The following PRR16 variants were observed in gnomAD, a reference collection of about 807,000 sequenced individuals.
The protein encoded by PRR16 is protein Largen.
A neutral mutation model predicts 18.2 loss-of-function variants in PRR16; 6 were observed. The observed-to-expected ratio is 0.33, with a 90% CI of 0.18 to 0.65. PRR16 has a LOEUF of 0.65. Among genes scored for constraint, PRR16 ranks in the 30% least tolerant of loss-of-function variants. The pLI is 0.74. For missense variants in PRR16, 412 were observed against 376.6 expected (o/e 1.09, Z -0.78); for synonymous variants, 151 against 147.8 (o/e 1.02, Z -0.16).
chr5:120,581,626 G>C (rs766341415), intron 1 of PRR16, among the ~76,000 whole-genome samples: 10 of 152,010 alleles, frequency 6.6e-5, no homozygotes, highest in Non-Finnish European at 1.2e-4. Context: ...GTCGATTTGA[G>C]ATCTTTCTAG....
intron 1 of PRR16, among the ~76,000 whole-genome samples, chr5:120,685,236 C>T (rs1344535758): frequency 6.6e-6 from 1 of 152,310 alleles, no homozygotes; most frequent in Non-Finnish European, 1.5e-5. Context: ...CCATCTCTTT[C>T]CTCCTCTCAG....
At chr5:120,528,562 T>C (rs565052498) in intron 1 of PRR16, among the ~76,000 whole-genome samples, 1 of 152,212 alleles carries the variant, frequency 6.6e-6, no homozygotes, top group African/African-American at 2.4e-5. Context: ...AATTATGAAT[T>C]TGAGCTCAGT....
At chr5:120,673,555 C>G (rs1410057965) in intron 1 of PRR16, among the ~76,000 whole-genome samples, 1 of 152,076 alleles carries the variant, frequency 6.6e-6, no homozygotes, top group African/African-American at 2.4e-5. Context: ...CATTTTTATA[C>G]AAATCTTATC....
chr5:120,470,745 G>A (rs970675503), intron 1 of PRR16, among the ~76,000 whole-genome samples: 4 of 152,070 alleles, frequency 2.6e-5, no homozygotes, highest in Non-Finnish European at 4.4e-5. Flanking sequence ...GGTAGATGAG[G>A]AAGTTACTGA....
At chr5:120,690,668 G>C (rs562396254), downstream of PRR16, among the ~76,000 whole-genome samples, 3 of 152,282 alleles carry the variant, frequency 2.0e-5, no homozygotes, top group African/African-American at 7.2e-5. Context: ...AAGTTTAAAT[G>C]TTTACAGTAA....
At chr5:120,657,831 C>G (rs1756036135) in intron 1 of PRR16, among the ~76,000 whole-genome samples, 1 of 151,904 alleles carries the variant, frequency 6.6e-6, no homozygotes, top group African/African-American at 2.4e-5. Context: ...CCACCTTCTG[C>G]TTTTTGTTCA....
chr5:120,644,061 C>T (rs776366747), intron 1 of PRR16, among the ~76,000 whole-genome samples: 6 of 151,912 alleles, frequency 3.9e-5, no homozygotes, highest in African/African-American at 7.3e-5. Flanking sequence ...CGTAGAACTC[C>T]CTGGATAGAG....
the PRR16 span, among the ~76,000 whole-genome samples, chr5:120,756,488 C>T: frequency 1.4e-4 from 21 of 152,028 alleles, no homozygotes; most frequent in Admixed American, 1.2e-3. Context: ...AATAGCCATT[C>T]TGACTGGTAT....
At chr5:120,605,432 T>C (rs6881962) in intron 1 of PRR16, among the ~76,000 whole-genome samples, 103,436 of 151,986 alleles carry the variant, frequency 0.68, 36,106 homozygotes, top group East Asian at 0.86. Flanking sequence ...TGAATTGTTT[T>C]ACTGATTTCC....
intron 1 of PRR16, among the ~76,000 whole-genome samples, chr5:120,643,063 A>T (rs1755474400): frequency 6.6e-6 from 1 of 152,230 alleles, no homozygotes; most frequent in African/African-American, 2.4e-5. Context: ...CCTTTCAAAG[A>T]TAAATATACT....
intron 1 of PRR16, among the ~76,000 whole-genome samples, chr5:120,607,630 T>G (rs1561571301): frequency 6.6e-6 from 1 of 152,108 alleles, no homozygotes; most frequent in Non-Finnish European, 1.5e-5. Context: ...TACCATCTGC[T>G]TCACAAGGAT....
intron 1 of PRR16, among the ~76,000 whole-genome samples, chr5:120,659,737 A>G (rs559830533): frequency 6.6e-6 from 1 of 151,956 alleles, no homozygotes; most frequent in East Asian, 1.9e-4. Context: ...TTGTATTTAT[A>G]CTTGAACGGC....
downstream of PRR16, among the ~76,000 whole-genome samples, chr5:120,689,008 T>G (rs1757179444): frequency 6.6e-6 from 1 of 152,132 alleles, no homozygotes; most frequent in African/African-American, 2.4e-5. Context: ...TTGTTTTTAT[T>G]CAACACATAA....
At chr5:120,655,329 G>T (rs912360167) in intron 1 of PRR16, among the ~76,000 whole-genome samples, 1 of 148,718 alleles carries the variant, frequency 6.7e-6, no homozygotes, top group African/African-American at 2.5e-5. Context: ...TATAATGTTA[G>T]CAAGAATTTT....
At chr5:120,727,924 A>C in the PRR16 span, among the ~76,000 whole-genome samples, 1 of 152,050 alleles carries the variant, frequency 6.6e-6, no homozygotes, top group Admixed American at 6.6e-5. Flanking sequence ...AAATGTGTTA[A>C]TAATAGAAGA....
At chr5:120,628,547 A>C (rs1754942622) in intron 1 of PRR16, among the ~76,000 whole-genome samples, 1 of 152,092 alleles carries the variant, frequency 6.6e-6, no homozygotes, top group African/African-American at 2.4e-5. Flanking sequence ...AAAAGGATAA[A>C]AAAATTGTAG....
At chr5:120,700,845 T>C in the PRR16 span, among the ~76,000 whole-genome samples, 35 of 152,218 alleles carry the variant, frequency 2.3e-4, no homozygotes, top group African/African-American at 7.2e-4. Flanking sequence ...GATCGGGCAG[T>C]GTCAGTCTTC....
the PRR16 span, among the ~76,000 whole-genome samples, chr5:120,723,063 TTAA>T: frequency 4.0e-5 from 6 of 151,890 alleles, no homozygotes; most frequent in East Asian, 1.2e-3. Context: ...TGGATACAAT[TTAA>T]TAATCTATAT....
chr5:120,583,961 C>T (rs180887006), intron 1 of PRR16, among the ~76,000 whole-genome samples: 278 of 152,226 alleles, frequency 1.8e-3, no homozygotes, highest in Non-Finnish European at 3.1e-3. Context: ...ATGGGTCAAG[C>T]ACTGTGTGCT....
Sources: gnomAD v4.1 joint callset for allele counts (sites outside exome capture counted in the v4.1 genomes callset) on GRCh38, gnomAD v4.1.1 for gene constraint, MANE v1.5 for transcripts, NCBI Gene and HGNC (gene_info 2026-07-23, HGNC 2026-07-21) for gene names.